Variants in UNC5A observed in about 807,000 individuals in gnomAD.
UNC5A encodes the protein unc-5 netrin receptor A.
UNC5A carries 20 observed loss-of-function variants against 87.4 expected under a neutral mutation model. The observed-to-expected ratio is 0.23, with a 90% CI of 0.16 to 0.33. The LOEUF (loss-of-function observed/expected upper bound fraction) is 0.33, where lower values mean the gene tolerates loss of function less well. Ranked by LOEUF, UNC5A falls within the 10% of genes least tolerant of loss-of-function variation. UNC5A has a pLI of 1.00. For synonymous variants in UNC5A, 438 were observed against 482.3 expected (o/e 0.91, Z 1.20); for missense variants, 844 against 1,133.4 (o/e 0.74, Z 3.67).
At chr5:176,829,283 G>GGATA (rs1306189411) in intron 1 of UNC5A, among the ~76,000 whole-genome samples, 1 of 115,116 alleles carries the variant, frequency 8.7e-6, no homozygotes, top group Non-Finnish European at 1.9e-5. Context: ...ATGGATGGAT[G>GGATA]GATAAAGTGG....
At chr5:176,823,980 A>G (rs1004930051) in intron 1 of UNC5A, among the ~76,000 whole-genome samples, 6 of 152,150 alleles carry the variant, frequency 3.9e-5, no homozygotes, top group East Asian at 1.9e-4. Flanking sequence ...TGGGACTGTC[A>G]GTTATGAGAA....
chr5:176,879,547 C>T (rs1313689634), intron 14 of UNC5A, 59 bp downstream of exon 14: 46 of 1,552,294 alleles, frequency 3.0e-5, no homozygotes, highest in African/African-American at 4.1e-5. Context: ...TGCCCGGCGG[C>T]GGGGTGGGTG....
chr5:176,854,217 G>T (rs1757613444), intron 1 of UNC5A, among the ~76,000 whole-genome samples: 1 of 152,008 alleles, frequency 6.6e-6, no homozygotes, highest in Admixed American at 6.6e-5. Flanking sequence ...GGTAGAGATT[G>T]AAACCCAGGT....
chr5:176,833,813 A>G (rs1757082411), intron 1 of UNC5A, among the ~76,000 whole-genome samples: 1 of 147,012 alleles, frequency 6.8e-6, no homozygotes, highest in Non-Finnish European at 1.5e-5. Context: ...GGTTCGCGCC[A>G]TTTTCCTGCC....
At chr5:176,867,571 G>C (rs926332705) in intron 2 of UNC5A, among the ~76,000 whole-genome samples, 1 of 152,182 alleles carries the variant, frequency 6.6e-6, no homozygotes, top group East Asian at 1.9e-4. Context: ...TCCCCATCCC[G>C]GCACGTGGGA....
Position 176,862,761 on chromosome 5 carries a change from G to T in UNC5A, c.208G>T (p.Ala70Ser). Reference sequence around the variant, plus strand: ...GCTGCTTGTGTGCAAGGCCGTGCCCGCCACGCAGATCTTCTTCAAGTGCAA... The same window carrying T: ...GCTGCTTGTGTGCAAGGCCGTGCCCTCCACGCAGATCTTCTTCAAGTGCAA... Reference protein sequence around the residue: ...PVLLVCKAVPATQIFFKCNGE... With the variant: ...PVLLVCKAVPSTQIFFKCNGE... Residue 70 changes from alanine to serine, a missense_variant, in exon 2 of 15, where the codon GCC (alanine) becomes TCC (serine). Around this residue, in one of 3 missense-constraint regions of UNC5A, gnomAD observed 314 missense variants for 466.5 expected, o/e 0.67. Coordinates refer to ENST00000329542, the MANE Select transcript of UNC5A (RefSeq NM_133369.3). The T allele has an allele frequency of 6.2e-7, 1 of 1,613,556 alleles. No individual in the cohort carries two copies. The highest frequency in any genetic ancestry group is 8.5e-7 in the Non-Finnish European group (1 of 1,179,932).
At chr5:176,862,360 T>C (rs1393708586) in intron 1 of UNC5A, among the ~76,000 whole-genome samples, 1 of 152,236 alleles carries the variant, frequency 6.6e-6, no homozygotes, top group East Asian at 1.9e-4. Flanking sequence ...ACCTCGGTGC[T>C]GGGACTCCGC....
At position 176,868,212 on chromosome 5, in the gene UNC5A, G is replaced by A; in HGVS notation, c.375G>A (p.Gln125=). 1 of 1,613,770 alleles carries A rather than the reference G, an allele frequency of 6.2e-7. No individual in the cohort carries two copies. Among genetic ancestry groups the A allele is most frequent in the Non-Finnish European group, 8.5e-7 (1 of 1,179,988 alleles). ...KVFGLEEYWC[Q]CVAWSSSGTT... is the part of the protein sequence containing the mutation. Reference sequence around the variant, plus strand: ...TCGGGCTGGAGGAATACTGGTGCCAGTGCGTGGCATGGAGCTCCTCGGGCA... The same window carrying A: ...TCGGGCTGGAGGAATACTGGTGCCAATGCGTGGCATGGAGCTCCTCGGGCA... The change falls in exon 3 of 15, where the codon CAG becomes CAA. Residue 125 remains glutamine, a synonymous_variant. Coordinates refer to ENST00000329542, the MANE Select transcript of UNC5A (RefSeq NM_133369.3).
At chr5:176,832,243 C>T (rs184207094) in intron 1 of UNC5A, among the ~76,000 whole-genome samples, 1 of 152,048 alleles carries the variant, frequency 6.6e-6, no homozygotes. Context: ...GAGGAGGTGC[C>T]GTTATTATGC....
intron 1 of UNC5A, among the ~76,000 whole-genome samples, chr5:176,837,897 C>T (rs1337059380): frequency 2.6e-5 from 4 of 152,294 alleles, no homozygotes; most frequent in South Asian, 2.1e-4. Context: ...GCTTCCTAAC[C>T]TCCGGACTCT....
In UNC5A at chr5:176,831,885, C is replaced by CTTT. The variant is rs10580672; in HGVS notation, c.70+21092_70+21094dup. ...TCACTTTCACACACTTTCTCTCTCT[C>CTTT]TTTTTTTTTTTTTTTTTTTTTTTTT... On this transcript the variant is annotated intron_variant, in intron 1 of 14. Transcript: ENST00000329542. Among the ~76,000 whole-genome samples the CTTT allele has an allele frequency of 1.6e-3, 44 of 27,680 alleles. 2 individuals are homozygous for CTTT. The highest frequency in any genetic ancestry group is 2.6e-3 in the African/African-American group (43 of 16,518). The allele number at this position is 27,680 out of a possible 152,430, so 18.2% of individuals were successfully genotyped here.
At chr5:176,818,218 G>C (rs973869544) in intron 1 of UNC5A, among the ~76,000 whole-genome samples, 39 of 152,322 alleles carry the variant, frequency 2.6e-4, no homozygotes, top group African/African-American at 8.9e-4. Flanking sequence ...CGCTGCGAAA[G>C]GGAGGGGAAC....
In UNC5A at chr5:176,810,759, C is replaced by A; in HGVS notation, c.9C>A (p.Val3=). The change falls in exon 1 of 15, where the codon GTC becomes GTA. Residue 3 remains valine, a synonymous_variant. Coordinates refer to ENST00000329542, the MANE Select transcript of UNC5A (RefSeq NM_133369.3). This position sits in a 1 kb window ranked among gnomAD's most constrained non-coding sequence, Gnocchi z 7.3. MA[V]RPGLWPALLG... ...CCTGCCCGCCCGCGGCCATGGCCGT[C>A]CGGCCCGGCCTGTGGCCAGCGCTCC... 6.7e-6 allele frequency: 8 copies of A among 1,186,450 alleles called. No individual in the cohort carries two copies. Among genetic ancestry groups the A allele is most frequent in the Non-Finnish European group, 8.3e-6 (8 of 959,696 alleles). 73.5% of individuals were successfully genotyped at this position (1,186,450 alleles called of 1,614,324 possible). A position where few individuals can be genotyped will look rare whatever the true frequency, so the allele number is the denominator to read the frequency against.
intron 1 of UNC5A, among the ~76,000 whole-genome samples, chr5:176,855,925 C>A (rs950915675): frequency 6.6e-6 from 1 of 152,212 alleles, no homozygotes; most frequent in African/African-American, 2.4e-5. Context: ...GGGGCTGCCA[C>A]CCTGGCCCCT....
At chr5:176,840,149 G>T (rs1166645776) in intron 1 of UNC5A, among the ~76,000 whole-genome samples, 2 of 152,194 alleles carry the variant, frequency 1.3e-5, no homozygotes, top group African/African-American at 4.8e-5. Context: ...GAGCCACCGC[G>T]CCTGGCCTCT....
chr5:176,877,192 G>A lies in UNC5A; in HGVS notation c.1379G>A (p.Gly460Glu). Residue 460 changes from glycine to glutamate, a missense_variant and splice_region_variant, in exon 9 of 15, where the codon GGA becomes GAA. By Grantham distance (98) the Gly-to-Glu change is moderately conservative. Coordinates refer to ENST00000329542, the MANE Select transcript of UNC5A (RefSeq NM_133369.3). ...LGGRLMIPNT[G>E]ISLLIPPDAI... ...CCTGGCCCTCTTCCTGCCGTTCCAG[G>A]AATCAGCCTCCTCATCCCCCCAGAT... is the stretch of plus-strand genomic sequence containing the variant. 6.2e-7 allele frequency: 1 copy of A among 1,611,214 alleles called. No individual in the cohort carries two copies. The highest frequency in any genetic ancestry group is 1.7e-5 in the Admixed American group (1 of 59,954).
intron 1 of UNC5A, among the ~76,000 whole-genome samples, chr5:176,814,089 T>G (rs1756532908): frequency 6.6e-6 from 1 of 152,090 alleles, no homozygotes; most frequent in African/African-American, 2.4e-5. Flanking sequence ...ATTGCTCATG[T>G]CTCTCGACTT....
rs957315097 is a variant in UNC5A, at chr5:176,865,391, C to T, written c.292+2546C>T. On this transcript the variant is annotated intron_variant, in intron 2 of 14. Coordinates refer to ENST00000329542, the MANE Select transcript of UNC5A (RefSeq NM_133369.3). The surrounding 1 kb of genome is among the most constrained non-coding windows in gnomAD (Gnocchi z 5.3). ...TTGCCTGAATGAGCAGTCGCAGGCC[C>T]GGGCCGGCACACACACCGGGAGCCC... is the stretch of plus-strand genomic sequence containing the variant. 10 of 352,290 alleles carry T rather than the reference C, an allele frequency of 2.8e-5. No homozygotes were observed. Among genetic ancestry groups the T allele is most frequent in the East Asian group, 1.5e-4 (2 of 13,048 alleles). The allele number at this position is 352,290 out of a possible 1,614,324, so 21.8% of individuals were successfully genotyped here.
chr5:176,829,856 C>T lies in UNC5A; in HGVS notation c.70+19036C>T, dbSNP rs928479700. ...CTGGTTCATTACCACAGGCCTCCAA[C>T]CCTCTCACTTCCACATCACTGCTCC... On this transcript the variant is annotated intron_variant, in intron 1 of 14. Transcript: ENST00000329542. Among the ~76,000 whole-genome samples, 3 of 141,988 alleles carry T rather than the reference C, an allele frequency of 2.1e-5. No homozygotes were observed. The Admixed American group carries it at 2.3e-4, about 11-fold the overall frequency. The allele number at this position is 141,988 out of a possible 152,430, so 93.1% of individuals were successfully genotyped here.
Sources: allele counts gnomAD v4.1 joint callset (sites outside exome capture counted in the v4.1 genomes callset), GRCh38; gene constraint gnomAD v4.1.1; regional missense constraint gnomAD v4.1.1; non-coding constraint Gnocchi (gnomAD v3.1); transcripts MANE v1.5; gene names NCBI Gene and HGNC (gene_info 2026-07-23, HGNC 2026-07-21).